The following MYT1L variants were observed in gnomAD, a reference collection of about 807,000 sequenced individuals.
MYT1L encodes myelin transcription factor 1-like protein.
A neutral mutation model predicts 126.7 loss-of-function variants in MYT1L; 12 were observed. The ratio of observed to expected loss-of-function variants is 0.09; its 90% CI spans 0.06 to 0.15. The LOEUF is 0.15. Among genes scored for constraint, MYT1L ranks in the 10% least tolerant of loss-of-function variants. MYT1L has a pLI of 1.00. For missense variants in MYT1L, 979 were observed against 1,585.2 expected (o/e 0.62, Z 6.49); for synonymous variants, 541 against 604.2 (o/e 0.90, Z 1.53).
chr2:1,837,383 T>C (rs924689570), intron 21 of MYT1L, among the ~76,000 whole-genome samples: 4 of 152,146 alleles, frequency 2.6e-5, no homozygotes, highest in African/African-American at 9.7e-5. Context: ...CCCTTACTCA[T>C]AGGTCAAATG....
intron 8 of MYT1L, among the ~76,000 whole-genome samples, chr2:1,949,786 G>A (rs111746039): frequency 3.3e-5 from 5 of 152,210 alleles, no homozygotes; most frequent in African/African-American, 9.6e-5. Context: ...TCCCACCAGA[G>A]AGCGGGGCTC....
intron 4 of MYT1L, among the ~76,000 whole-genome samples, chr2:2,001,115 G>A (rs1574378360): frequency 1.3e-5 from 2 of 151,992 alleles, no homozygotes; most frequent in Non-Finnish European, 2.9e-5. Flanking sequence ...GTTCATCTCC[G>A]AGAACTTTCT....
chr2:2,018,275 T>C (rs1374962239), intron 4 of MYT1L, among the ~76,000 whole-genome samples: 2 of 152,188 alleles, frequency 1.3e-5, no homozygotes, highest in East Asian at 3.9e-4. Context: ...CCTCAGACAC[T>C]AACTCAGGTC....
intron 4 of MYT1L, among the ~76,000 whole-genome samples, chr2:2,011,152 G>A (rs1052112443): frequency 6.6e-6 from 1 of 152,208 alleles, no homozygotes; most frequent in African/African-American, 2.4e-5. Context: ...ACTTTGGGAT[G>A]CCAAGGCGGG....
At chr2:2,191,048 G>GT (rs2092565620) in intron 2 of MYT1L, among the ~76,000 whole-genome samples, 1 of 152,216 alleles carries the variant, frequency 6.6e-6, no homozygotes, top group South Asian at 2.1e-4. Context: ...ACCTCCCAAA[G>GT]TGCTGGGATT....
At chr2:2,129,422 A>C (rs545834278) in intron 3 of MYT1L, among the ~76,000 whole-genome samples, 1 of 152,152 alleles carries the variant, frequency 6.6e-6, no homozygotes, top group African/African-American at 2.4e-5. Flanking sequence ...AAACAGTTTG[A>C]TTGAAAAGAA....
intron 21 of MYT1L, among the ~76,000 whole-genome samples, chr2:1,820,144 G>C (rs896143758): frequency 2.6e-5 from 4 of 152,162 alleles, no homozygotes; most frequent in Non-Finnish European, 4.4e-5. Context: ...GAGTAAGAAG[G>C]GCTGGGGCTT....
Position 2,116,069 on chromosome 2 carries a change from A to G in MYT1L, c.-304+56803T>C, listed in dbSNP as rs115067410. 3.3e-3 allele frequency among the ~76,000 whole-genome samples: 494 copies of G among 151,808 alleles called. 4 individuals carry two copies. The highest frequency in any genetic ancestry group is 0.012 in the African/African-American group (474 of 41,074). On this transcript the variant is annotated intron_variant, in intron 3 of 24. Transcript: ENST00000647738. The stretch of plus-strand genomic sequence containing the variant: ...CGACGAAAACAGGACGAGCCTCAAC[A>G]TTCCTGATTCCCGAATGACCATGGT...
At chr2:2,194,691 C>T (rs551953668) in intron 2 of MYT1L, among the ~76,000 whole-genome samples, 8 of 152,226 alleles carry the variant, frequency 5.3e-5, no homozygotes, top group African/African-American at 1.7e-4. Flanking sequence ...GCTGTGAGAC[C>T]TTCCCCCCTC....
At chr2:1,977,930 C>T (rs140176177) in intron 8 of MYT1L, among the ~76,000 whole-genome samples, 3 of 152,214 alleles carry the variant, frequency 2.0e-5, no homozygotes, top group African/African-American at 7.2e-5. Flanking sequence ...CAATAATTTA[C>T]TATTTTATAC....
intron 3 of MYT1L, among the ~76,000 whole-genome samples, chr2:2,119,174 T>C (rs2147860876): frequency 6.6e-6 from 1 of 152,350 alleles, no homozygotes; most frequent in East Asian, 1.9e-4. Flanking sequence ...TGTGAAAACA[T>C]GTTTGACCTG....
At chr2:1,825,176 G>A (rs1170306325) in intron 21 of MYT1L, 3 of 152,248 alleles carry the variant, frequency 2.0e-5, no homozygotes, top group Non-Finnish European at 4.4e-5. Context: ...GACACAGAGA[G>A]GCCTCAGGGC....
At chr2:2,279,537 G>C (rs1308312980) in intron 2 of MYT1L, among the ~76,000 whole-genome samples, 1 of 148,614 alleles carries the variant, frequency 6.7e-6, no homozygotes, top group Non-Finnish European at 1.5e-5. Flanking sequence ...AAGGAGGAAG[G>C]AGAGAGAGAA....
At chr2:1,974,151 A>G (rs532509185) in intron 8 of MYT1L, among the ~76,000 whole-genome samples, 12 of 152,306 alleles carry the variant, frequency 7.9e-5, no homozygotes, top group Admixed American at 2.0e-4. Context: ...CTTCCTTGAT[A>G]TTGGGGACCG....
chr2:2,309,866 C>T (rs570531884), intron 1 of MYT1L, among the ~76,000 whole-genome samples: 8 of 152,038 alleles, frequency 5.3e-5, no homozygotes, highest in African/African-American at 1.9e-4. Context: ...TCTACCTATA[C>T]TCCACCTACA....
chr2:2,214,258 TATC>T (rs1264760365), intron 2 of MYT1L, among the ~76,000 whole-genome samples: 1 of 45,354 alleles, frequency 2.2e-5, no homozygotes, highest in African/African-American at 8.3e-5. Flanking sequence ...TGAGACAAAT[TATC>T]TATCTATCTA....
At chr2:2,249,434 T>C (rs188609433) in intron 2 of MYT1L, among the ~76,000 whole-genome samples, 68 of 152,186 alleles carry the variant, frequency 4.5e-4, no homozygotes, top group African/African-American at 1.6e-3. Context: ...ATTGTTATAA[T>C]GTTGATGCTA....
chr2:2,002,593 G>A (rs1005845266), intron 4 of MYT1L, among the ~76,000 whole-genome samples: 6 of 152,076 alleles, frequency 3.9e-5, no homozygotes, highest in Non-Finnish European at 2.9e-5. Context: ...ACTGCAAAAG[G>A]GTGTAATCAT....
chr2:1,934,862 C>T (rs1007961374), intron 9 of MYT1L, among the ~76,000 whole-genome samples: 1 of 151,952 alleles, frequency 6.6e-6, no homozygotes, highest in East Asian at 1.9e-4. Flanking sequence ...GCTCGGAACC[C>T]GGGGAGCAGA....
Sources: gnomAD v4.1 joint callset for allele counts (sites outside exome capture counted in the v4.1 genomes callset) on GRCh38, gnomAD v4.1.1 for gene constraint, MANE v1.5 for transcripts, NCBI Gene and HGNC (gene_info 2026-07-23, HGNC 2026-07-21) for gene names.